Variants in DMD observed in about 807,000 individuals in gnomAD.
DMD encodes the protein dystrophin, also known as mutant dystrophin.
In DMD, 63 loss-of-function variants were observed where a neutral mutation model predicts 330.1. The observed-to-expected ratio is 0.19, with a 90% CI of 0.16 to 0.24. The LOEUF (loss-of-function observed/expected upper bound fraction) is 0.24. Ranked by LOEUF, DMD falls within the 10% of genes least tolerant of loss-of-function variation. The pLI, the probability that DMD is intolerant of heterozygous loss-of-function variation, is 1.00. For missense variants in DMD, 3,344 were observed against 2,684.1 expected (o/e 1.25, Z -5.43); for synonymous variants, 1,223 against 959.8 (o/e 1.27, Z -5.07).
At chrX:33,309,063 A>G (rs1341017293) in intron 1 of DMD, among the ~76,000 whole-genome samples, 5 of 111,711 alleles carry the variant, frequency 4.5e-5, no homozygotes, top group Non-Finnish European at 9.4e-5. Flanking sequence ...AACAGTGTTC[A>G]TATGGGAACA....
intron 4 of DMD, among the ~76,000 whole-genome samples, chrX:32,839,487 C>G (rs1363160331): frequency 8.9e-6 from 1 of 111,744 alleles, no homozygotes; most frequent in Non-Finnish European, 1.9e-5. Context: ...GCTCTGACAC[C>G]AATCAATCAA....
intron 61 of DMD, among the ~76,000 whole-genome samples, chrX:31,325,223 C>T: frequency 9.0e-6 from 1 of 110,602 alleles, no homozygotes. Flanking sequence ...CTCTTCCCAA[C>T]TCTTCTCTTG....
At chrX:32,752,848 C>G (rs1392924259) in intron 7 of DMD, among the ~76,000 whole-genome samples, 1 of 110,354 alleles carries the variant, frequency 9.1e-6, no homozygotes, top group Admixed American at 9.8e-5. Context: ...AGTTTCCCTG[C>G]ACAAGCTTTC....
chrX:33,254,652 T>C (rs1173047433), intron 1 of DMD, among the ~76,000 whole-genome samples: 1 of 110,768 alleles, frequency 9.0e-6, no homozygotes, highest in African/African-American at 3.2e-5. Context: ...AAAAACAGCA[T>C]GCTAAAATGT....
At chrX:31,420,398 A>G (rs929131799) in intron 60 of DMD, among the ~76,000 whole-genome samples, 6 of 112,358 alleles carry the variant, frequency 5.3e-5, no homozygotes, top group Admixed American at 9.4e-5. Context: ...AATTTTGTCC[A>G]TTACTTCTTT....
intron 1 of DMD, among the ~76,000 whole-genome samples, chrX:33,044,969 T>A (rs1192904211): frequency 1.8e-5 from 2 of 111,195 alleles, no homozygotes; most frequent in South Asian, 7.6e-4. Flanking sequence ...GTACTATGCA[T>A]GAATATAAAA....
intron 60 of DMD, among the ~76,000 whole-genome samples, chrX:31,362,161 T>C (rs2058972232): frequency 8.9e-6 from 1 of 112,715 alleles, no homozygotes; most frequent in Non-Finnish European, 1.9e-5. Context: ...TTGTGTTGTT[T>C]AGATAAAAAC....
chrX:32,147,385 T>C (rs1406329731), intron 44 of DMD, among the ~76,000 whole-genome samples: 1 of 112,104 alleles, frequency 8.9e-6, no homozygotes, highest in East Asian at 2.8e-4. Context: ...GTTTTTATGA[T>C]ATATGTCATT....
intron 7 of DMD, among the ~76,000 whole-genome samples, chrX:32,720,199 T>C (rs1039742444): frequency 1.8e-5 from 2 of 110,875 alleles, no homozygotes; most frequent in African/African-American, 6.5e-5. Flanking sequence ...TCTTTATTGT[T>C]GTTACCTTTT....
intron 61 of DMD, among the ~76,000 whole-genome samples, chrX:31,347,436 C>G (rs865891871): frequency 1.8e-5 from 2 of 111,400 alleles, no homozygotes; most frequent in Non-Finnish European, 3.8e-5. Context: ...ATCTATCATT[C>G]TATTCTATGT....
Position 32,142,756 on chromosome X carries a change from C to G in DMD, c.6438+74160G>C, listed in dbSNP as rs1016691187. 4.5e-5 allele frequency among the ~76,000 whole-genome samples: 5 copies of G among 112,318 alleles called. No individual in the cohort carries two copies. In the Admixed American group the frequency reaches 4.7e-4, roughly 11 times the overall value. On this transcript the variant is annotated intron_variant, in intron 44 of 78. Transcript: ENST00000357033. ...GATACATTAAAGTAAAAGCTCTGTGCATGCTTGTTAGAATAGCACACTATA... is the reference window on the plus strand; with the variant it reads ...GATACATTAAAGTAAAAGCTCTGTGGATGCTTGTTAGAATAGCACACTATA...
chrX:33,082,562 C>CTA lies in DMD; in HGVS notation c.32-62364_32-62363dup, dbSNP rs199739398. Among the ~76,000 whole-genome samples, 608 of 112,570 alleles carry CTA rather than the reference C, an allele frequency of 5.4e-3. 5 individuals carry two copies. Among genetic ancestry groups the CTA allele is most frequent in the African/African-American group, 0.018 (574 of 31,057 alleles). ...AAAAGACAAAGCCTTAGCTACTGAGCTATATACAGCGTTGAGAAATTTCTA... is the reference window on the plus strand; with the variant it reads ...AAAAGACAAAGCCTTAGCTACTGAGCTATATATACAGCGTTGAGAAATTTCTA... On this transcript the variant is annotated intron_variant, in intron 1 of 78. Transcript: ENST00000357033.
chrX:32,580,076 T>C (rs1024714921), intron 13 of DMD, among the ~76,000 whole-genome samples: 1 of 109,541 alleles, frequency 9.1e-6, no homozygotes, highest in Non-Finnish European at 1.9e-5. Flanking sequence ...GTCTGTTCAA[T>C]TGGGATACCA....
intron 44 of DMD, among the ~76,000 whole-genome samples, chrX:32,063,195 C>CACACACACACACACAT (rs2096239812): frequency 4.6e-5 from 5 of 109,739 alleles, no homozygotes; most frequent in African/African-American, 1.7e-4. Context: ...CTAACACACA[C>CACACACACACACACAT]ACACACACAC....
intron 1 of DMD, among the ~76,000 whole-genome samples, chrX:33,301,434 A>G (rs1434213902): frequency 8.9e-6 from 1 of 111,863 alleles, no homozygotes; most frequent in Admixed American, 9.5e-5. Context: ...CCCTTGTGAA[A>G]CTTTTTAAAA....
intron 52 of DMD, 43 bp from the exon 53 acceptor site, chrX:31,679,629 T>C (rs771419759): frequency 9.4e-7 from 1 of 1,065,411 alleles, no homozygotes; most frequent in Admixed American, 2.2e-5. Flanking sequence ...TAAATGCTAG[T>C]CTGGAGGAGA....
At chrX:32,277,864 A>G (rs113416250) in intron 43 of DMD, among the ~76,000 whole-genome samples, 2 of 111,209 alleles carry the variant, frequency 1.8e-5, no homozygotes, top group South Asian at 3.7e-4. Context: ...AAAAAAGAAA[A>G]AAACTTCAAA....
rs138215257 is a variant in DMD, at chrX:32,967,702, T to C, written c.93+52437A>G. Among the ~76,000 whole-genome samples, 9 of 111,851 alleles carry C rather than the reference T, an allele frequency of 8.0e-5. No homozygotes were observed. The East Asian group carries it at 2.5e-3, about 32-fold the overall frequency. On this transcript the variant is annotated intron_variant, in intron 2 of 78. Transcript: ENST00000357033. ...TAAAGAGTACCCTACATTTATCTTA[T>C]AGTGTAGACTATAGCTGTTCTTGCT...
At chrX:32,610,153 T>C (rs1157750738) in intron 12 of DMD, among the ~76,000 whole-genome samples, 1 of 111,219 alleles carries the variant, frequency 9.0e-6, no homozygotes, top group East Asian at 2.8e-4. Context: ...TAGAATTATA[T>C]GTGATATATT....
Sources: allele counts gnomAD v4.1 joint callset (sites outside exome capture counted in the v4.1 genomes callset), GRCh38; gene constraint gnomAD v4.1.1; transcripts MANE v1.5; gene names NCBI Gene and HGNC (gene_info 2026-07-23, HGNC 2026-07-21).